Variants in SLMAP observed in about 807,000 individuals in gnomAD.
SLMAP encodes sarcolemma associated protein.
SLMAP carries 44 observed loss-of-function variants against 128.8 expected under a neutral mutation model. The observed-to-expected ratio is 0.34, with a 90% CI of 0.27 to 0.44. The LOEUF (loss-of-function observed/expected upper bound fraction) is 0.44, where lower values mean the gene tolerates loss of function less well. SLMAP is among the 20% of genes least tolerant of loss of function. The pLI is 1.00. For missense variants in SLMAP, 787 were observed against 985.3 expected (o/e 0.80, Z 2.69); for synonymous variants, 327 against 348.8 (o/e 0.94, Z 0.70).
At chr3:57,846,406 T>C (rs968857017) in intron 4 of SLMAP, among the ~76,000 whole-genome samples, 2 of 152,146 alleles carry the variant, frequency 1.3e-5, no homozygotes, top group African/African-American at 4.8e-5. Context: ...AGAGGAATAG[T>C]AGTGTTTTGA....
chr3:57,853,981 A>T (rs1174016315), intron 6 of SLMAP, among the ~76,000 whole-genome samples: 1 of 105,604 alleles, frequency 9.5e-6, no homozygotes. Context: ...ATATATATAT[A>T]TATATATATA....
chr3:57,896,397 T>C, intron 15 of SLMAP, 114 bp from the exon 16 acceptor site: 1 of 1,423,292 alleles, frequency 7.0e-7, no homozygotes, highest in East Asian at 2.7e-5. Context: ...ACCTGACCTA[T>C]TTTAAAAGTA....
chr3:57,777,828 G>A (rs1007615218), intron 2 of SLMAP, among the ~76,000 whole-genome samples: 10 of 152,122 alleles, frequency 6.6e-5, no homozygotes, highest in African/African-American at 2.2e-4. Context: ...ATGAGATGCC[G>A]TTTCTACTCA....
rs112340859 is a variant in SLMAP, at chr3:57,766,250, T to C, written c.198+8401T>C. On this transcript the variant is annotated intron_variant, in intron 2 of 24. Coordinates refer to ENST00000671191, the MANE Select transcript of SLMAP (RefSeq NM_001377540.1). ...CCAGGATGGTCTCGATTTCCTGACC[T>C]CGTGATCCGCCTGCCTCAGCCTCCC... Among the ~76,000 whole-genome samples, 427 of 148,386 alleles carry C rather than the reference T, an allele frequency of 2.9e-3. 3 individuals carry two copies. The highest frequency in any genetic ancestry group is 0.01 in the African/African-American group (408 of 40,068).
At chr3:57,841,440 C>G in intron 4 of SLMAP, 69 bp downstream of exon 4, 1 of 868,744 alleles carries the variant, frequency 1.2e-6, no homozygotes. Context: ...TAATAATATT[C>G]TAGGTGATGG....
intron 2 of SLMAP, among the ~76,000 whole-genome samples, chr3:57,818,626 T>C (rs1182456124): frequency 6.6e-6 from 1 of 152,256 alleles, no homozygotes; most frequent in African/African-American, 2.4e-5. Flanking sequence ...TTTGTCACTG[T>C]AGAATAATTT....
chr3:57,788,190 A>T (rs2084656958), intron 2 of SLMAP, among the ~76,000 whole-genome samples: 1 of 152,230 alleles, frequency 6.6e-6, no homozygotes, highest in Admixed American at 6.5e-5. Context: ...AGGAGAGAGG[A>T]CAGGAGATGA....
intron 7 of SLMAP, 65 bp downstream of exon 7, chr3:57,857,893 T>G (rs1577814146): frequency 8.7e-7 from 1 of 1,143,212 alleles, no homozygotes; most frequent in East Asian, 2.4e-5. Flanking sequence ...ACATGTTAAA[T>G]AAACTAAAAT....
At chr3:57,890,208 T>C (rs1575796315) in intron 15 of SLMAP, 108 bp downstream of exon 15, 3 of 982,066 alleles carry the variant, frequency 3.1e-6, no homozygotes, top group South Asian at 3.1e-5. Flanking sequence ...TTCTTATAGC[T>C]CACAAAATAG....
intron 3 of SLMAP, among the ~76,000 whole-genome samples, chr3:57,832,055 C>T (rs750179462): frequency 2.4e-4 from 36 of 152,346 alleles, no homozygotes; most frequent in Middle Eastern, 3.4e-3. Flanking sequence ...GATAAAATGC[C>T]TTCTTGTGTG....
intron 10 of SLMAP, among the ~76,000 whole-genome samples, chr3:57,864,275 C>T (rs1020927143): frequency 1.3e-5 from 2 of 151,946 alleles, no homozygotes; most frequent in Admixed American, 6.6e-5. Flanking sequence ...GGTATGGTGG[C>T]GCATGCCTGT....
At chr3:57,896,396 A>G in intron 15 of SLMAP, 115 bp from the exon 16 acceptor site, 1 of 1,422,868 alleles carries the variant, frequency 7.0e-7, no homozygotes, top group Non-Finnish European at 9.2e-7. Context: ...GACCTGACCT[A>G]TTTTAAAAGT....
At position 57,928,755 on chromosome 3, in the gene SLMAP, T is replaced by G. The variant is rs867186757; in HGVS notation, c.*1466T>G. 4.5e-4 allele frequency: 69 copies of G among 152,398 alleles called. No homozygotes were observed. Among genetic ancestry groups the G allele is most frequent in the African/African-American group, 1.6e-3 (67 of 41,578 alleles). 9.4% of individuals were successfully genotyped at this position (152,398 alleles called of 1,614,324 possible). On this transcript the variant is annotated 3_prime_UTR_variant, in exon 25 of 25. Coordinates refer to ENST00000671191, the MANE Select transcript of SLMAP (RefSeq NM_001377540.1). ...CTAGCCAAATATTGAAATAGGAGTT[T>G]AGGGTATAATTTGCCTTGTGATGTT...
intron 22 of SLMAP, among the ~76,000 whole-genome samples, chr3:57,920,104 T>C (rs992674382): frequency 7.9e-5 from 12 of 152,250 alleles, no homozygotes; most frequent in African/African-American, 1.9e-4. Flanking sequence ...TTAGTCCCTG[T>C]TAAGAATCAG....
intron 2 of SLMAP, among the ~76,000 whole-genome samples, chr3:57,763,566 C>T (rs555500570): frequency 2.6e-5 from 4 of 152,190 alleles, no homozygotes; most frequent in South Asian, 4.2e-4. Flanking sequence ...TGAGCCACCG[C>T]GCCCGGCCTA....
intron 2 of SLMAP, 37 bp downstream of exon 2, chr3:57,757,886 A>T (rs2077871357): frequency 1.2e-6 from 2 of 1,602,772 alleles, no homozygotes; most frequent in Non-Finnish European, 1.7e-6. Context: ...ATTGTTTAAC[A>T]AACTTTTTTT....
intron 2 of SLMAP, among the ~76,000 whole-genome samples, chr3:57,775,255 C>T (rs1312856177): frequency 6.6e-6 from 1 of 151,416 alleles, no homozygotes. Context: ...GGGGTTTCAC[C>T]GTGGTCTCGA....
At chr3:57,905,521 T>G (rs1422070375) in intron 17 of SLMAP, among the ~76,000 whole-genome samples, 1 of 152,142 alleles carries the variant, frequency 6.6e-6, no homozygotes, top group Admixed American at 6.5e-5. Flanking sequence ...CCTCAAGAGA[T>G]CTGTCTGCCT....
intron 4 of SLMAP, among the ~76,000 whole-genome samples, chr3:57,846,740 G>A (rs2094276126): frequency 6.6e-6 from 1 of 151,748 alleles, no homozygotes; most frequent in Admixed American, 6.6e-5. Context: ...TATATTTTTA[G>A]TAGAGACAGG....
Sources: gnomAD v4.1 joint callset for allele counts (sites outside exome capture counted in the v4.1 genomes callset) on GRCh38, gnomAD v4.1.1 for gene constraint, MANE v1.5 for transcripts, NCBI Gene and HGNC (gene_info 2026-07-23, HGNC 2026-07-21) for gene names.